The following MROH2B variants were observed in gnomAD, a reference collection of about 807,000 sequenced individuals.
The protein encoded by MROH2B is maestro heat-like repeat-containing protein family member 2B.
MROH2B carries 177 observed loss-of-function variants against 208.6 expected under a neutral mutation model. The ratio of observed to expected loss-of-function variants is 0.85; its 90% confidence interval spans 0.75 to 0.96. The LOEUF (loss-of-function observed/expected upper bound fraction) is 0.96, where lower values mean the gene tolerates loss of function less well. Ranked by LOEUF, MROH2B falls within the 40% of genes least tolerant of loss-of-function variation. The pLI, the probability that MROH2B is intolerant of heterozygous loss-of-function variation, is 0.00. For missense variants in MROH2B, 2,002 were observed against 1,878.7 expected, an observed-to-expected ratio of 1.07 and a Z score of -1.21; for synonymous variants, 728 against 659.0, an observed-to-expected ratio of 1.10 and a Z score of -1.60.
chr5:41,056,826 C>T (rs1284886191), intron 9 of MROH2B, among the ~76,000 whole-genome samples: 6 of 151,596 alleles, frequency 4.0e-5, no homozygotes, highest in Non-Finnish European at 5.9e-5. Flanking sequence ...TCAACTCACT[C>T]CAGTTTTCCA....
intron 24 of MROH2B, among the ~76,000 whole-genome samples, chr5:41,025,733 A>T (rs1359917107): frequency 6.6e-6 from 1 of 152,198 alleles, no homozygotes; most frequent in Non-Finnish European, 1.5e-5. Context: ...ACACAACAAA[A>T]AAAAGAGAAT....
At position 41,052,602 on chromosome 5, in the gene MROH2B, A is replaced by G; in HGVS notation, c.1108-15T>C. The G allele has an allele frequency of 6.3e-7, 1 of 1,592,374 alleles. No homozygotes were observed. On this transcript the variant is annotated splice_polypyrimidine_tract_variant and intron_variant, in intron 11 of 41. Coordinates refer to ENST00000399564, the MANE Select transcript of MROH2B (RefSeq NM_173489.5). ...GAATTTCTTACCTAGGGTAAGAACA[A>G]TGCAATAGCAACATTTTACTATGTT...
At chr5:41,050,678 T>G (rs1351953219) in intron 13 of MROH2B, among the ~76,000 whole-genome samples, 2 of 152,182 alleles carry the variant, frequency 1.3e-5, no homozygotes, top group Admixed American at 1.3e-4. Context: ...TTGGTTGCTT[T>G]AAAACCACTA....
At chr5:41,001,422 C>T (rs1741393346) in intron 37 of MROH2B, among the ~76,000 whole-genome samples, 1 of 152,024 alleles carries the variant, frequency 6.6e-6, no homozygotes, top group Non-Finnish European at 1.5e-5. Context: ...TTTTAGGAAG[C>T]CAAGAGAGGC....
chr5:41,012,486 A>G (rs1741804460), intron 30 of MROH2B, 97 bp downstream of exon 30: 2 of 1,332,424 alleles, frequency 1.5e-6, no homozygotes, highest in Middle Eastern at 2.0e-4. Flanking sequence ...AAGCCTTTGC[A>G]TGCTGCCCAT....
At chr5:41,030,058 G>A (rs325821) in intron 24 of MROH2B, among the ~76,000 whole-genome samples, 5 of 151,730 alleles carry the variant, frequency 3.3e-5, no homozygotes, top group East Asian at 1.9e-4. Context: ...CAAATCATAT[G>A]TCTGATAAGA....
At chr5:41,018,111 G>A (rs1742016853) in intron 27 of MROH2B, 141 bp from the exon 28 acceptor site, 1 of 1,259,874 alleles carries the variant, frequency 7.9e-7, no homozygotes, top group Non-Finnish European at 1.1e-6. Context: ...TCTCCTAAAA[G>A]ATGCCTATTT....
chr5:41,029,576 G>A (rs749638582), intron 24 of MROH2B, among the ~76,000 whole-genome samples: 5 of 152,044 alleles, frequency 3.3e-5, no homozygotes, highest in South Asian at 2.1e-4. Context: ...ATCCACATGC[G>A]AAAGAATTAA....
rs532974358 is a variant in MROH2B, at chr5:41,034,969, C to T, written c.2215-1105G>A. 5.3e-5 allele frequency among the ~76,000 whole-genome samples: 8 copies of T among 152,146 alleles called. No homozygotes were observed. The South Asian group carries it at 1.7e-3, about 32-fold the overall frequency. ...GAGATGACACAAATAAATGGAAAAACATTCCATGCTCACAGATAGGAAGAA... is the reference window on the plus strand; with the variant it reads ...GAGATGACACAAATAAATGGAAAAATATTCCATGCTCACAGATAGGAAGAA... On this transcript the variant is annotated intron_variant, in intron 21 of 41. Transcript: ENST00000399564.
chr5:41,016,334 T>C (rs935866335), intron 28 of MROH2B, among the ~76,000 whole-genome samples: 3 of 152,116 alleles, frequency 2.0e-5, no homozygotes, highest in African/African-American at 7.2e-5. Context: ...ATGTAAATTA[T>C]AAAGTATGGG....
chr5:41,008,717 A>G lies in MROH2B; in HGVS notation c.3497T>C (p.Leu1166Pro). 1 of 1,613,780 alleles carries G rather than the reference A, an allele frequency of 6.2e-7. No individual in the cohort carries two copies. The highest frequency in any genetic ancestry group is 8.5e-7 in the Non-Finnish European group (1 of 1,179,810). The change falls in exon 33 of 42, where the codon CTC becomes CCC. Residue 1166 changes from leucine to proline, a missense_variant. Physicochemically the swap from Leu to Pro is moderately conservative, Grantham distance 98. Transcript: ENST00000399564. Reference sequence around the variant, plus strand: ...CAGTGTGCAGCTAACCAGCTTCAGGAGGAGAGTGAACAGCTCTGGATACAA... The same window carrying G: ...CAGTGTGCAGCTAACCAGCTTCAGGGGGAGAGTGAACAGCTCTGGATACAA... ...TGLYPELFTL[L>P]LKLVSCTLGQ...
In MROH2B at chr5:41,009,999, T is replaced by A. The variant is rs755689675; in HGVS notation, c.3216A>T (p.Glu1072Asp). The change falls in exon 31 of 42, where the codon GAA becomes GAT. Residue 1072 changes from glutamate to aspartate, a missense_variant. Glu to Asp is a conservative substitution (Grantham distance 45, BLOSUM62 2). Transcript: ENST00000399564. ...GAAAGCTGGCTATCTGGGAGATGGCTTCTAGAATGAACTGAAAACTTTCTT... is the reference window on the plus strand; with the variant it reads ...GAAAGCTGGCTATCTGGGAGATGGCATCTAGAATGAACTGAAAACTTTCTT... The part of the protein sequence containing the change: ...QKEESFQFIL[E>D]AISQIASFHM... 1 of 1,613,880 alleles carries A rather than the reference T, an allele frequency of 6.2e-7. No individual in the cohort carries two copies. The highest frequency in any genetic ancestry group is 1.1e-5 in the South Asian group (1 of 91,076).
chr5:41,003,496 T>A (rs77139777), intron 37 of MROH2B, among the ~76,000 whole-genome samples: 23,981 of 152,084 alleles, frequency 0.16, 2,223 homozygotes, highest in East Asian at 0.31. Context: ...AAGGTTGGAT[T>A]TGAGAGGTAA....
chr5:41,014,794 C>T (rs376375727), intron 29 of MROH2B, among the ~76,000 whole-genome samples: 5 of 152,262 alleles, frequency 3.3e-5, no homozygotes, highest in African/African-American at 1.2e-4. Flanking sequence ...AGAGGATCAC[C>T]TCTTACCTCT....
At chr5:41,024,440 G>A (rs1742276306) in intron 24 of MROH2B, among the ~76,000 whole-genome samples, 1 of 152,062 alleles carries the variant, frequency 6.6e-6, no homozygotes, top group African/African-American at 2.4e-5. Flanking sequence ...GACAAAGAAG[G>A]CCATTACATA....
At chr5:41,019,341 T>TGAGA (rs1038906225) in intron 24 of MROH2B, among the ~76,000 whole-genome samples, 35 of 44,480 alleles carry the variant, frequency 7.9e-4, no homozygotes, top group African/African-American at 1.4e-3. Context: ...TGTGTGTGTG[T>TGAGA]GTGAGAGAGA....
At chr5:41,068,597 T>G (rs1026558274) in intron 2 of MROH2B, among the ~76,000 whole-genome samples, 1 of 152,238 alleles carries the variant, frequency 6.6e-6, no homozygotes, top group African/African-American at 2.4e-5. Flanking sequence ...TTATGCTGGC[T>G]ATTATTATTC....
chr5:41,027,650 A>G (rs1267984618), intron 24 of MROH2B, among the ~76,000 whole-genome samples: 3 of 152,206 alleles, frequency 2.0e-5, no homozygotes, highest in Non-Finnish European at 4.4e-5. Context: ...AGGATCTAGA[A>G]CTAGAATTAC....
chr5:41,070,880 G>A lies in MROH2B; in HGVS notation c.-28C>T. On this transcript the variant is annotated 5_prime_UTR_variant, in exon 1 of 42. Transcript: ENST00000399564. ...CTTGGCTGTTTCAGGGTCTCTAAAA[G>A]ATAGCACCTAAGTATTAGAAATAGT... 6.2e-7 allele frequency: 1 copy of A among 1,607,640 alleles called. No homozygotes were observed. The highest frequency in any genetic ancestry group is 1.1e-5 in the South Asian group (1 of 89,946).
Sources: allele counts gnomAD v4.1 joint callset (sites outside exome capture counted in the v4.1 genomes callset), GRCh38; gene constraint gnomAD v4.1.1; transcripts MANE v1.5; gene names NCBI Gene and HGNC (gene_info 2026-07-23, HGNC 2026-07-21).